ABCA8: variants seen among roughly 807,000 people sequenced by gnomAD.
ABCA8 encodes ABC-type organic anion transporter ABCA8.
In ABCA8, 177 loss-of-function variants were observed where a neutral mutation model predicts 192.3. That is an observed-to-expected ratio of 0.92 (90% confidence interval 0.81 to 1.04). ABCA8 has a LOEUF of 1.04. Among genes scored for constraint, ABCA8 ranks in the 50% least tolerant of loss-of-function variants. The probability of loss-of-function intolerance (pLI) is 0.00; values close to 1 mark genes in which losing one functional copy is unlikely to be tolerated. For synonymous variants in ABCA8, 642 were observed against 690.2 expected, an observed-to-expected ratio of 0.93 and a Z score of 1.09; for missense variants, 1,915 against 1,904.8, an observed-to-expected ratio of 1.01 and a Z score of -0.10.
intron 5 of ABCA8, among the ~76,000 whole-genome samples, chr17:68,934,267 AATTTGGTTAG>A (rs1426366639): frequency 2.3e-4 from 35 of 152,096 alleles, no homozygotes; most frequent in Admixed American, 2.3e-3. Flanking sequence ...TGTTGATAAC[AATTTGGTTAG>A]TTCCTTTTTT....
In ABCA8 at chr17:68,867,850, T is replaced by G. The variant is rs1376035113; in HGVS notation, c.*235A>C. On this transcript the variant is annotated 3_prime_UTR_variant, in exon 40 of 40. Coordinates refer to ENST00000586539, the MANE Select transcript of ABCA8 (RefSeq NM_001288985.2). ...ATTTATTCAGTATTATACAGAACAA[T>G]GGAACCAGTATGGCCTGCAGAGATA... 2.4e-6 allele frequency: 1 copy of G among 420,804 alleles called. No individual in the cohort carries two copies. Among genetic ancestry groups the G allele is most frequent in the African/African-American group, 2.0e-5 (1 of 50,440 alleles). 26.1% of individuals were successfully genotyped at this position (420,804 alleles called of 1,614,324 possible).
intron 14 of ABCA8, 59 bp from the exon 15 acceptor site, chr17:68,918,605 A>T (rs970425899): frequency 1.4e-6 from 2 of 1,421,448 alleles, no homozygotes; most frequent in Admixed American, 2.9e-5. Context: ...TTAAAAATTT[A>T]TAAATACAAG....
At chr17:68,924,639 C>T in intron 11 of ABCA8, 62 bp downstream of exon 11, 1 of 1,550,948 alleles carries the variant, frequency 6.4e-7, no homozygotes, top group Non-Finnish European at 8.7e-7. Flanking sequence ...CACTGCTTGC[C>T]TCAGGTGCTA....
Position 68,895,006 on chromosome 17 carries a change from G to C in ABCA8, c.2772C>G (p.Ser924Arg), listed in dbSNP as rs774093475. The change falls in exon 22 of 40, where the codon AGC becomes AGG. Residue 924 changes from serine to arginine, a missense_variant. Transcript: ENST00000586539. ...QLLIINKTGA[S>R]IDDFIQSVEH... The stretch of plus-strand genomic sequence containing the variant: ...CCACAGACTGTATAAAGTCATCAAT[G>C]CTTGCCCCTAAGGTGTAGTTAAAGA... 6.2e-7 allele frequency: 1 copy of C among 1,607,384 alleles called. No homozygotes were observed. The highest frequency in any genetic ancestry group is 8.5e-7 in the Non-Finnish European group (1 of 1,177,744).
At chr17:68,940,156 C>T (rs1049512417) in intron 4 of ABCA8, among the ~76,000 whole-genome samples, 2 of 152,046 alleles carry the variant, frequency 1.3e-5, no homozygotes, top group East Asian at 1.9e-4. Context: ...TTAAGGTACT[C>T]GTTAAGTTAA....
chr17:68,952,079 TTAAA>T (rs1394208730), intron 1 of ABCA8, among the ~76,000 whole-genome samples: 1 of 152,240 alleles, frequency 6.6e-6, no homozygotes, highest in Non-Finnish European at 1.5e-5. Flanking sequence ...ATGGTTACTC[TTAAA>T]TACTTTTCTA....
At chr17:68,897,839 C>T (rs2066805423) in intron 21 of ABCA8, among the ~76,000 whole-genome samples, 1 of 151,882 alleles carries the variant, frequency 6.6e-6, no homozygotes, top group Admixed American at 6.6e-5. Flanking sequence ...AAAAACAGAA[C>T]CTCAGAAAAA....
intron 7 of ABCA8, among the ~76,000 whole-genome samples, chr17:68,930,105 T>C (rs1316146053): frequency 6.6e-6 from 1 of 152,140 alleles, no homozygotes; most frequent in African/African-American, 2.4e-5. Flanking sequence ...TTTATTTCTC[T>C]GGACACCAGG....
chr17:68,887,962 A>ATG (rs2066531539), intron 24 of ABCA8, among the ~76,000 whole-genome samples: 3 of 135,168 alleles, frequency 2.2e-5, no homozygotes, highest in Non-Finnish European at 4.7e-5. Context: ...ATGGATATAT[A>ATG]TACACACACA....
intron 19 of ABCA8, among the ~76,000 whole-genome samples, chr17:68,904,289 AG>A (rs60543355): frequency 1.2e-4 from 11 of 92,634 alleles, no homozygotes; most frequent in South Asian, 3.7e-4. Flanking sequence ...CTCAAAAAAA[AG>A]AAATAATAAT....
chr17:68,932,416 A>C lies in ABCA8; in HGVS notation c.669T>G (p.Asp223Glu). ...AAATAATGCAGGAAAAAAGGTACAAATCAGTTATAACTCCTGATTGACCAA... is the reference window on the plus strand; with the variant it reads ...AAATAATGCAGGAAAAAAGGTACAACTCAGTTATAACTCCTGATTGACCAA... ...SFIGQSGVITDLYLFSCIISF... is the reference protein window; with the variant it reads ...SFIGQSGVITELYLFSCIISF... The change falls in exon 7 of 40, where the codon GAT (aspartate) becomes GAG (glutamate). Residue 223 changes from aspartate (D) to glutamate (E), a missense_variant. By Grantham distance (45) the Asp-to-Glu change is conservative. Coordinates refer to ENST00000586539, the MANE Select transcript of ABCA8 (RefSeq NM_001288985.2). 1 of 1,614,000 alleles carries C rather than the reference A, an allele frequency of 6.2e-7. No individual in the cohort carries two copies. The highest frequency in any genetic ancestry group is 8.5e-7 in the Non-Finnish European group (1 of 1,179,890).
chr17:68,882,807 T>C, intron 29 of ABCA8, 88 bp from the exon 30 acceptor site: 1 of 1,262,846 alleles, frequency 7.9e-7, no homozygotes, highest in South Asian at 1.5e-5. Context: ...GTTTGAGTAG[T>C]ACGAGCAATT....
intron 7 of ABCA8, among the ~76,000 whole-genome samples, chr17:68,930,145 A>T (rs1189837943): frequency 6.6e-6 from 1 of 152,156 alleles, no homozygotes; most frequent in Non-Finnish European, 1.5e-5. Context: ...ACTAAATAAG[A>T]TGATGGCTAT....
At chr17:68,889,116 T>TC in intron 24 of ABCA8, among the ~76,000 whole-genome samples, 1 of 152,326 alleles carries the variant, frequency 6.6e-6, no homozygotes, top group South Asian at 2.1e-4. Context: ...TTCTTGAGAT[T>TC]CCTGCATGTT....
intron 2 of ABCA8, among the ~76,000 whole-genome samples, chr17:68,946,402 C>T (rs1369392500): frequency 6.6e-6 from 1 of 152,118 alleles, no homozygotes; most frequent in Non-Finnish European, 1.5e-5. Context: ...TCTTTCTGAG[C>T]ACAGAGCTAT....
At chr17:68,895,271 A>G (rs1207333225) in intron 21 of ABCA8, among the ~76,000 whole-genome samples, 5 of 152,174 alleles carry the variant, frequency 3.3e-5, no homozygotes, top group African/African-American at 1.2e-4. Context: ...TCTTGCAATG[A>G]ATGTCCATAA....
At position 68,906,122 on chromosome 17, in the gene ABCA8, C is replaced by T. The variant is rs1463592569; in HGVS notation, c.2320G>A (p.Glu774Lys). The change falls in exon 19 of 40, where the codon GAG becomes AAG. Residue 774 changes from glutamate (E) to lysine (K), a missense_variant. Transcript: ENST00000586539. ...GTTGTCATGGAAACACCATAATTCTCAATTCCTAGGTCAGGATAGCTATCA... is the reference window on the plus strand; with the variant it reads ...GTTGTCATGGAAACACCATAATTCTTAATTCCTAGGTCAGGATAGCTATCA... The part of the protein sequence containing the change: ...DLDSYPDLGI[E>K]NYGVSMTTLN... 6.2e-7 allele frequency: 1 copy of T among 1,601,260 alleles called. No individual in the cohort carries two copies.
chr17:68,875,163 T>C, intron 37 of ABCA8, 97 bp downstream of exon 37: 1 of 1,511,974 alleles, frequency 6.6e-7, no homozygotes, highest in Non-Finnish European at 9.0e-7. Context: ...AATAATCTCT[T>C]TCTTTTAGGT....
chr17:68,902,826 A>G lies in ABCA8; in HGVS notation c.2651T>C (p.Val884Ala), dbSNP rs2066948070. 6.2e-7 allele frequency: 1 copy of G among 1,613,844 alleles called. No homozygotes were observed. Among genetic ancestry groups the G allele is most frequent in the Non-Finnish European group, 8.5e-7 (1 of 1,179,906 alleles). Reference protein sequence around the residue: ...FCPLLVEYTMVKIYQNSYTWE... With the variant: ...FCPLLVEYTMAKIYQNSYTWE... ...GGTGTAACTGTTTTGATATATTTTCACCATGGTATACTCCACAAGAAGAGG... is the reference window on the plus strand; with the variant it reads ...GGTGTAACTGTTTTGATATATTTTCGCCATGGTATACTCCACAAGAAGAGG... The change falls in exon 21 of 40, where the codon GTG becomes GCG. Residue 884 changes from valine to alanine, a missense_variant. Coordinates refer to ENST00000586539, the MANE Select transcript of ABCA8 (RefSeq NM_001288985.2).
Sources: allele counts gnomAD v4.1 joint callset (sites outside exome capture counted in the v4.1 genomes callset), GRCh38; gene constraint gnomAD v4.1.1; transcripts MANE v1.5; gene names NCBI Gene and HGNC (gene_info 2026-07-23, HGNC 2026-07-21).